Variants in COL21A1 observed in about 807,000 individuals in gnomAD.
The protein encoded by COL21A1 is collagen type XXI alpha 1 chain.
In COL21A1, 149 loss-of-function variants were observed where a neutral mutation model predicts 137.9. The ratio of observed to expected loss-of-function variants is 1.08; its 90% CI spans 0.95 to 1.24. COL21A1 has a LOEUF of 1.24. Ranked by LOEUF, COL21A1 falls within the 50% of genes most tolerant of loss-of-function variation. COL21A1 has a pLI of 0.00. For missense variants in COL21A1, 1,167 were observed against 1,158.4 expected (o/e 1.01, Z -0.11); for synonymous variants, 456 against 391.5 (o/e 1.16, Z -1.95).
At position 56,072,130 on chromosome 6, in the gene COL21A1, T is replaced by C. The variant is rs1303983524; in HGVS notation, c.1966-1332A>G. Among the ~76,000 whole-genome samples, 3 of 151,618 alleles carry C rather than the reference T, an allele frequency of 2.0e-5. No homozygotes were observed. In the East Asian group the frequency reaches 5.8e-4, roughly 29 times the overall value. ...GGATAATGACTTCCAGCTGTATCCA[T>C]ATCCCTGGCAAAGGACATGACCTCG... is the stretch of plus-strand genomic sequence containing the variant. On this transcript the variant is annotated intron_variant, in intron 20 of 29. Coordinates refer to ENST00000244728, the MANE Select transcript of COL21A1 (RefSeq NM_030820.4).
chr6:56,099,105 T>G (rs912578803), intron 17 of COL21A1, among the ~76,000 whole-genome samples: 1 of 151,844 alleles, frequency 6.6e-6, no homozygotes, highest in Admixed American at 6.6e-5. Flanking sequence ...TCACATTGAA[T>G]TATGGTCTAC....
intron 17 of COL21A1, among the ~76,000 whole-genome samples, chr6:56,090,364 A>C (rs970743493): frequency 6.6e-6 from 1 of 152,244 alleles, no homozygotes; most frequent in Non-Finnish European, 1.5e-5. Flanking sequence ...TGCTATGTCA[A>C]TGATATTTAT....
chr6:56,076,308 GACAGGAC>G (rs1444917018), intron 18 of COL21A1, among the ~76,000 whole-genome samples: 1 of 151,366 alleles, frequency 6.6e-6, no homozygotes, highest in African/African-American at 2.4e-5. Context: ...TAGTTAGGCT[GACAGGAC>G]ACCCTCTAAA....
intron 1 of COL21A1, among the ~76,000 whole-genome samples, chr6:56,322,847 AC>A (rs1237418313): frequency 6.7e-6 from 1 of 149,018 alleles, no homozygotes; most frequent in Non-Finnish European, 1.5e-5. Flanking sequence ...TAATCTGATA[AC>A]CCAGAGGTCG....
At chr6:56,125,128 C>T (rs912867109) in intron 14 of COL21A1, among the ~76,000 whole-genome samples, 2 of 138,290 alleles carry the variant, frequency 1.4e-5, no homozygotes, top group African/African-American at 2.7e-5. Context: ...TCAAGTGATT[C>T]TCCTGCCTTA....
intron 1 of COL21A1, among the ~76,000 whole-genome samples, chr6:56,369,602 GA>G (rs1402301402): frequency 3.4e-5 from 4 of 117,252 alleles, no homozygotes; most frequent in African/African-American, 1.2e-4. Flanking sequence ...AAACAATTGT[GA>G]AAACTTTTTT....
chr6:56,344,908 G>A (rs1044634988), intron 1 of COL21A1, among the ~76,000 whole-genome samples: 25 of 152,210 alleles, frequency 1.6e-4, no homozygotes, highest in African/African-American at 6.0e-4. Flanking sequence ...TTCCTGTACA[G>A]CCTGTGGAAC....
rs1231932562 is a variant in COL21A1, at chr6:56,179,738, A to G, written c.480T>C (p.Asp160=). ...DVKDAAQAAR[D]SKITLFAIGV... ...CAATAGCAAATAATGTTATCTTACT[A>G]TCTCTTGCTGCTTGAGCTGCATCCT... Residue 160 remains aspartate, a synonymous_variant, in exon 3 of 30, where the codon GAT becomes GAC. Transcript: ENST00000244728. 2 of 1,613,818 alleles carry G rather than the reference A, an allele frequency of 1.2e-6. No homozygotes were observed. Among genetic ancestry groups the G allele is most frequent in the Non-Finnish European group, 1.7e-6 (2 of 1,179,874 alleles).
At chr6:56,353,126 C>T (rs1352104265) in intron 1 of COL21A1, among the ~76,000 whole-genome samples, 2 of 152,108 alleles carry the variant, frequency 1.3e-5, no homozygotes, top group South Asian at 2.1e-4. Context: ...GAATTTATCC[C>T]ATCATGAAGT....
At chr6:56,147,315 C>T (rs1226078277) in intron 10 of COL21A1, among the ~76,000 whole-genome samples, 6 of 151,696 alleles carry the variant, frequency 4.0e-5, no homozygotes, top group Non-Finnish European at 8.8e-5. Flanking sequence ...CCTATTTCTC[C>T]CCAGTAGAAT....
At chr6:56,247,937 A>G (rs1470606674), upstream of COL21A1, among the ~76,000 whole-genome samples, 1 of 152,236 alleles carries the variant, frequency 6.6e-6, no homozygotes, top group Non-Finnish European at 1.5e-5. Context: ...CCCTTGCCCA[A>G]GAAGAACCCC....
chr6:56,260,900 T>C (rs1763257933), intron 1 of COL21A1, among the ~76,000 whole-genome samples: 1 of 63,410 alleles, frequency 1.6e-5, no homozygotes, highest in South Asian at 4.4e-4. Flanking sequence ...GTGTACCTTT[T>C]ATAGCTATAC....
intron 17 of COL21A1, among the ~76,000 whole-genome samples, chr6:56,084,883 G>T (rs1768094971): frequency 6.6e-6 from 1 of 152,028 alleles, no homozygotes; most frequent in African/African-American, 2.4e-5. Context: ...ACACCTCCCT[G>T]CTATGATCTC....
intron 1 of COL21A1, among the ~76,000 whole-genome samples, chr6:56,347,288 C>T (rs1366347573): frequency 6.6e-6 from 1 of 151,976 alleles, no homozygotes; most frequent in African/African-American, 2.4e-5. Flanking sequence ...ACCAGGAATC[C>T]CCCAACCTTT....
intron 12 of COL21A1, among the ~76,000 whole-genome samples, chr6:56,134,159 A>G (rs1773800283): frequency 6.6e-6 from 1 of 152,202 alleles, no homozygotes; most frequent in South Asian, 2.1e-4. Context: ...AGCAATCGAG[A>G]GGGAGGCTGT....
At chr6:56,276,707 G>A in intron 1 of COL21A1, 2 of 1,429,106 alleles carry the variant, frequency 1.4e-6, no homozygotes, top group Non-Finnish European at 2.0e-6. Context: ...GATGGCCTGG[G>A]TGATTCACGG....
chr6:56,308,337 C>T (rs910202042), intron 1 of COL21A1, among the ~76,000 whole-genome samples: 7 of 152,202 alleles, frequency 4.6e-5, no homozygotes, highest in Non-Finnish European at 5.9e-5. Context: ...CTTGGACTTC[C>T]CAGCCCCCAG....
intron 2 of COL21A1, 77 bp downstream of exon 2, chr6:56,182,454 C>A: frequency 1.1e-6 from 1 of 914,934 alleles, no homozygotes; most frequent in South Asian, 1.4e-5. Flanking sequence ...TCCTTAAAAC[C>A]ATTACTTGAA....
chr6:56,188,347 C>G (rs1405771963), intron 1 of COL21A1, among the ~76,000 whole-genome samples: 1 of 152,172 alleles, frequency 6.6e-6, no homozygotes, highest in Non-Finnish European at 1.5e-5. Context: ...TAGTTTTATT[C>G]ATAATAATTC....
Sources: gnomAD v4.1 joint callset for allele counts (sites outside exome capture counted in the v4.1 genomes callset) on GRCh38, gnomAD v4.1.1 for gene constraint, MANE v1.5 for transcripts, NCBI Gene and HGNC (gene_info 2026-07-23, HGNC 2026-07-21) for gene names.